The following NEDD4L variants were observed in gnomAD, a reference collection of about 807,000 sequenced individuals.
NEDD4L encodes E3 ubiquitin-protein ligase NEDD4-like.
Under a neutral mutation model 148.9 loss-of-function variants are expected in NEDD4L, and 54 were observed. The ratio of observed to expected loss-of-function variants is 0.36; its 90% CI spans 0.29 to 0.45. NEDD4L has a LOEUF of 0.45. Ranked by LOEUF, NEDD4L falls within the 20% of genes least tolerant of loss-of-function variation. The probability of loss-of-function intolerance (pLI) is 1.00; values close to 1 mark genes in which losing one functional copy is unlikely to be tolerated. For synonymous variants in NEDD4L, 433 were observed against 440.7 expected, an observed-to-expected ratio of 0.98 and a Z score of 0.22; for missense variants, 856 against 1,233.8, an observed-to-expected ratio of 0.69 and a Z score of 4.59.
intron 24 of NEDD4L, among the ~76,000 whole-genome samples, chr18:58,380,643 A>G (rs1007950370): frequency 6.6e-6 from 1 of 152,124 alleles, no homozygotes; most frequent in Non-Finnish European, 1.5e-5. Flanking sequence ...TTACATAGGT[A>G]TACACATGCC....
chr18:58,255,882 T>C, intron 5 of NEDD4L: 1 of 1,232,132 alleles, frequency 8.1e-7, no homozygotes, highest in Non-Finnish European at 1.0e-6. Flanking sequence ...TTGACCAGCA[T>C]CGACGCCCGC....
intron 1 of NEDD4L, among the ~76,000 whole-genome samples, chr18:58,128,734 C>T (rs512099): frequency 0.12 from 18,224 of 152,222 alleles, 1,132 homozygotes; most frequent in South Asian, 0.23. Flanking sequence ...AGCCCTTCCC[C>T]GCTTAATGCG....
intron 1 of NEDD4L, among the ~76,000 whole-genome samples, chr18:58,073,730 G>A (rs2083012413): frequency 6.6e-6 from 1 of 152,182 alleles, no homozygotes; most frequent in Non-Finnish European, 1.5e-5. Context: ...ATGGTAGTGG[G>A]TATAGAGTTT....
chr18:58,095,805 G>A (rs17064344), intron 1 of NEDD4L, among the ~76,000 whole-genome samples: 14,568 of 152,172 alleles, frequency 0.096, 833 homozygotes, highest in Admixed American at 0.15. Flanking sequence ...TTTGACTTCC[G>A]TGATCTAGAG....
chr18:58,366,254 G>GAA lies in NEDD4L; in HGVS notation c.2063+26_2063+27insAA. 1 of 1,473,952 alleles carries GAA rather than the reference G, an allele frequency of 6.8e-7. No individual in the cohort carries two copies. Among genetic ancestry groups the GAA allele is most frequent in the Admixed American group, 2.0e-5 (1 of 49,372 alleles). The allele number at this position is 1,473,952 out of a possible 1,614,324, so 91.3% of individuals were successfully genotyped here. A position where few individuals can be genotyped will look rare whatever the true frequency, so the allele number is the denominator to read the frequency against. On this transcript the variant is annotated intron_variant, in intron 21 of 30. Transcript: ENST00000400345. The surrounding 1 kb of genome is among the most constrained non-coding windows in gnomAD (Gnocchi z 4.2). ...GTAAGTATATGGCCACACCCAGTGT[G>GAA]TGTCCCCCACTGAGACAGTTGTATG...
At chr18:58,336,133 C>G (rs1433758622) in intron 13 of NEDD4L, 2 of 152,268 alleles carry the variant, frequency 1.3e-5, no homozygotes, top group African/African-American at 4.8e-5. Flanking sequence ...TTATGTTTCT[C>G]TAAGCCAACC....
chr18:58,044,807 C>A (rs577920837), intron 1 of NEDD4L, 99 bp downstream of exon 1: 1 of 1,447,008 alleles, frequency 6.9e-7, no homozygotes, highest in Non-Finnish European at 9.3e-7. Context: ...TGCTCGTGCC[C>A]AGCGTCTGCA....
At chr18:58,310,570 C>T (rs1238070891) in intron 5 of NEDD4L, among the ~76,000 whole-genome samples, 2 of 152,208 alleles carry the variant, frequency 1.3e-5, no homozygotes, top group African/African-American at 4.8e-5. Flanking sequence ...GGCAGAGGCA[C>T]CACCCAGGTG....
intron 25 of NEDD4L, among the ~76,000 whole-genome samples, 187 bp from the exon 26 acceptor site, chr18:58,385,339 G>A (rs2048869620): frequency 6.6e-6 from 1 of 152,162 alleles, no homozygotes; most frequent in Non-Finnish European, 1.5e-5. Flanking sequence ...GAGATTTTAG[G>A]TTTTTCACGG....
chr18:58,089,533 T>TAGGC (rs111705939), intron 1 of NEDD4L, among the ~76,000 whole-genome samples: 13,159 of 152,224 alleles, frequency 0.086, 674 homozygotes, highest in Admixed American at 0.15. Flanking sequence ...AAGTGGTTGA[T>TAGGC]AGGCACTGAA....
chr18:58,394,461 T>C (rs546292173), intron 30 of NEDD4L, among the ~76,000 whole-genome samples: 2 of 152,334 alleles, frequency 1.3e-5, no homozygotes, highest in East Asian at 3.9e-4. Context: ...GAGACCCCCA[T>C]AGGGATTGCA....
chr18:58,339,167 A>C (rs903114453), intron 13 of NEDD4L, among the ~76,000 whole-genome samples: 1 of 152,056 alleles, frequency 6.6e-6, no homozygotes, highest in Non-Finnish European at 1.5e-5. Flanking sequence ...GAGAGGGGGA[A>C]GTGGATCACC....
At chr18:58,199,011 C>T (rs1433549316) in intron 2 of NEDD4L, among the ~76,000 whole-genome samples, 2 of 152,144 alleles carry the variant, frequency 1.3e-5, no homozygotes, top group African/African-American at 4.8e-5. Context: ...AGGCTGGTCT[C>T]GAACTCCTGA....
At chr18:58,373,074 C>G in intron 23 of NEDD4L, 100 bp from the exon 24 acceptor site, 1 of 696,490 alleles carries the variant, frequency 1.4e-6, no homozygotes, top group Non-Finnish European at 2.6e-6. Context: ...ATTTCTTGAG[C>G]ATTCTGCACA....
chr18:58,198,042 G>A (rs2040927968), intron 2 of NEDD4L, among the ~76,000 whole-genome samples: 1 of 152,030 alleles, frequency 6.6e-6, no homozygotes, highest in South Asian at 2.1e-4. Flanking sequence ...ACACCCCTTG[G>A]CACCCCTACA....
intron 5 of NEDD4L, among the ~76,000 whole-genome samples, chr18:58,275,339 G>T (rs1435625666): frequency 6.6e-6 from 1 of 152,132 alleles, no homozygotes; most frequent in Non-Finnish European, 1.5e-5. Context: ...GCTGTCACAG[G>T]TGACAGAGGT....
chr18:58,371,275 G>A (rs930311428), intron 23 of NEDD4L, among the ~76,000 whole-genome samples: 6 of 142,628 alleles, frequency 4.2e-5, no homozygotes, highest in Admixed American at 7.5e-5. Flanking sequence ...GGATGGTCTC[G>A]ATCTCCTGAC....
chr18:58,100,978 G>C (rs1170679075), intron 1 of NEDD4L, among the ~76,000 whole-genome samples: 1 of 151,986 alleles, frequency 6.6e-6, no homozygotes, highest in Non-Finnish European at 1.5e-5. Flanking sequence ...GCTAATTTTT[G>C]TATTTTTTGT....
chr18:58,180,300 C>G (rs1244069731), intron 2 of NEDD4L, among the ~76,000 whole-genome samples: 1 of 152,194 alleles, frequency 6.6e-6, no homozygotes, highest in Non-Finnish European at 1.5e-5. Context: ...TGCTGCTGAT[C>G]TGTCTGTGTG....
Sources: gnomAD v4.1 joint callset for allele counts (sites outside exome capture counted in the v4.1 genomes callset) on GRCh38, gnomAD v4.1.1 for gene constraint, Gnocchi (gnomAD v3.1) non-coding constraint, MANE v1.5 for transcripts, NCBI Gene and HGNC (gene_info 2026-07-23, HGNC 2026-07-21) for gene names.